The following GRM5 variants were observed in gnomAD, a reference collection of about 807,000 sequenced individuals.
GRM5 encodes the protein metabotropic glutamate receptor 5.
Under a neutral mutation model 83.1 loss-of-function variants are expected in GRM5, and 19 were observed. That is an observed-to-expected ratio of 0.23 (90% confidence interval 0.16 to 0.34). GRM5 has a LOEUF of 0.34. Among genes scored for constraint, GRM5 ranks in the 10% least tolerant of loss-of-function variants. GRM5 has a pLI of 1.00. For synonymous variants in GRM5, 675 were observed against 633.6 expected (o/e 1.07, Z -0.98); for missense variants, 1,160 against 1,588.3 (o/e 0.73, Z 4.58).
chr11:88,842,201 AT>A (rs1463922339), intron 3 of GRM5, among the ~76,000 whole-genome samples: 1 of 152,172 alleles, frequency 6.6e-6, no homozygotes, highest in African/African-American at 2.4e-5. Flanking sequence ...ATATTTTCTT[AT>A]TTTTAAAAAA....
intron 3 of GRM5, among the ~76,000 whole-genome samples, chr11:88,739,635 T>C (rs1344022877): frequency 6.6e-6 from 1 of 152,002 alleles, no homozygotes; most frequent in East Asian, 1.9e-4. Flanking sequence ...TGATCACGAG[T>C]GAATTCTCAC....
At chr11:88,771,191 T>A (rs1022175166) in intron 3 of GRM5, among the ~76,000 whole-genome samples, 1 of 152,076 alleles carries the variant, frequency 6.6e-6, no homozygotes, top group Non-Finnish European at 1.5e-5. Flanking sequence ...GACATGCTTG[T>A]ATTAGGGTTC....
At chr11:88,771,467 G>A (rs4753732) in intron 3 of GRM5, among the ~76,000 whole-genome samples, 8,077 of 152,154 alleles carry the variant, frequency 0.053, 398 homozygotes, top group Admixed American at 0.16. Context: ...AAAACCTGGA[G>A]TCTGATGTTC....
At chr11:88,775,558 C>T (rs1310071810) in intron 3 of GRM5, among the ~76,000 whole-genome samples, 1 of 152,080 alleles carries the variant, frequency 6.6e-6, no homozygotes, top group Non-Finnish European at 1.5e-5. Flanking sequence ...ATCTTTCCTG[C>T]TTTCTCTTGT....
intron 3 of GRM5, among the ~76,000 whole-genome samples, chr11:88,654,880 C>T (rs1292363761): frequency 6.6e-6 from 1 of 151,822 alleles, no homozygotes; most frequent in Non-Finnish European, 1.5e-5. Context: ...AGAAAGCATG[C>T]ACTTTTTTCA....
intron 2 of GRM5, among the ~76,000 whole-genome samples, chr11:88,967,248 CATATATAT>C (rs61389354): frequency 0.038 from 5,377 of 141,640 alleles, 134 homozygotes; most frequent in East Asian, 0.078. Flanking sequence ...TATATATACA[CATATATAT>C]ATATATATAT....
At chr11:89,052,976 T>C (rs1171704079) in intron 1 of GRM5, among the ~76,000 whole-genome samples, 1 of 152,178 alleles carries the variant, frequency 6.6e-6, no homozygotes, top group Non-Finnish European at 1.5e-5. Context: ...TGTCTATGCC[T>C]GTTGACTTTA....
intron 2 of GRM5, among the ~76,000 whole-genome samples, chr11:88,860,924 T>C (rs1944551298): frequency 6.6e-6 from 1 of 152,132 alleles, no homozygotes; most frequent in Non-Finnish European, 1.5e-5. Flanking sequence ...CTTGCCACAT[T>C]GAGATGTTCA....
rs147135169 is a variant in GRM5, at chr11:88,919,238, C to CTATATATATATATATATATA, written c.662-69084_662-69083insTATATATATATATATATATA. 4.0e-3 allele frequency among the ~76,000 whole-genome samples: 129 copies of CTATATATATATATATATATA among 32,370 alleles called. 19 individuals carry two copies. Among genetic ancestry groups the CTATATATATATATATATATA allele is most frequent in the South Asian group, 7.6e-3 (5 of 660 alleles). 21.2% of individuals were successfully genotyped at this position (32,370 alleles called of 152,430 possible). ...GGCATTCGAAGAACAGCAGGAGTAG[C>CTATATATATATATATATATA]TATATATATATATATATATCGGATA... On this transcript the variant is annotated intron_variant, in intron 2 of 9. Coordinates refer to ENST00000305447, the MANE Select transcript of GRM5 (RefSeq NM_001143831.3).
Position 88,653,015 on chromosome 11 carries a change from A to G in GRM5, c.1147+153T>C, listed in dbSNP as rs1035290918. Among the ~76,000 whole-genome samples, 9 of 152,116 alleles carry G rather than the reference A, an allele frequency of 5.9e-5. No individual in the cohort carries two copies. In the South Asian group the frequency reaches 1.9e-3, roughly 31 times the overall value. On this transcript the variant is annotated intron_variant, in intron 4 of 9. Transcript: ENST00000305447. ...CTGATATGTTTTTCCTAATGAGACT[A>G]AAACCTGTTTATCACCATAAGTGGC...
At chr11:88,546,202 C>A (rs1316237789) in intron 8 of GRM5, among the ~76,000 whole-genome samples, 1 of 151,904 alleles carries the variant, frequency 6.6e-6, no homozygotes, top group African/African-American at 2.4e-5. Flanking sequence ...TAAAATTAGT[C>A]CCAAATCAAT....
At chr11:88,720,198 A>G (rs1941501414) in intron 3 of GRM5, among the ~76,000 whole-genome samples, 1 of 152,094 alleles carries the variant, frequency 6.6e-6, no homozygotes, top group Admixed American at 6.6e-5. Flanking sequence ...AAGACAGGAA[A>G]AATGGAAGGT....
At chr11:89,055,410 A>G (rs920593308) in intron 1 of GRM5, among the ~76,000 whole-genome samples, 1 of 152,190 alleles carries the variant, frequency 6.6e-6, no homozygotes, top group Non-Finnish European at 1.5e-5. Context: ...TGTTTGCTCT[A>G]TCCTCCAAGC....
intron 3 of GRM5, among the ~76,000 whole-genome samples, chr11:88,744,813 A>G (rs1272572516): frequency 6.6e-6 from 1 of 152,168 alleles, no homozygotes; most frequent in Non-Finnish European, 1.5e-5. Context: ...AATAATATCC[A>G]AGAACCATTT....
intron 8 of GRM5, among the ~76,000 whole-genome samples, chr11:88,557,234 A>G (rs1015585133): frequency 6.6e-6 from 1 of 152,122 alleles, no homozygotes; most frequent in Non-Finnish European, 1.5e-5. Context: ...ATACTATGTG[A>G]AGATCCAATG....
chr11:88,822,690 G>C (rs1279703385), intron 3 of GRM5, among the ~76,000 whole-genome samples: 1 of 151,826 alleles, frequency 6.6e-6, no homozygotes, highest in Non-Finnish European at 1.5e-5. Flanking sequence ...CCTGAATGTG[G>C]TACATCTTTC....
At chr11:88,917,063 C>T (rs1387806995) in intron 2 of GRM5, among the ~76,000 whole-genome samples, 2 of 152,188 alleles carry the variant, frequency 1.3e-5, no homozygotes, top group African/African-American at 4.8e-5. Flanking sequence ...TCAGCTGTGA[C>T]CAAGAAGAGT....
At chr11:88,589,153 T>C (rs1399948005) in intron 7 of GRM5, among the ~76,000 whole-genome samples, 2 of 150,022 alleles carry the variant, frequency 1.3e-5, no homozygotes, top group African/African-American at 5.1e-5. Context: ...AAATAAATAG[T>C]ATAAAGAAAA....
intron 3 of GRM5, among the ~76,000 whole-genome samples, chr11:88,782,458 A>C (rs1942991930): frequency 6.6e-6 from 1 of 152,170 alleles, no homozygotes; most frequent in Non-Finnish European, 1.5e-5. Context: ...TCACAAGAAA[A>C]GCATAGCAAA....
Sources: gnomAD v4.1 joint callset for allele counts (sites outside exome capture counted in the v4.1 genomes callset) on GRCh38, gnomAD v4.1.1 for gene constraint, MANE v1.5 for transcripts, NCBI Gene and HGNC (gene_info 2026-07-23, HGNC 2026-07-21) for gene names.